DCAF8: variants seen among roughly 807,000 people sequenced by gnomAD.
The protein encoded by DCAF8 is DDB1- and CUL4-associated factor 8.
Under a neutral mutation model 68.0 loss-of-function variants are expected in DCAF8, and 20 were observed. The ratio of observed to expected loss-of-function variants is 0.29; its 90% CI spans 0.21 to 0.43. The LOEUF (loss-of-function observed/expected upper bound fraction) is 0.43. Among genes scored for constraint, DCAF8 ranks in the 20% least tolerant of loss-of-function variants. The pLI is 1.00. For synonymous variants in DCAF8, 230 were observed against 276.9 expected (o/e 0.83, Z 1.68); for missense variants, 460 against 771.0 (o/e 0.60, Z 4.78).
intron 3 of DCAF8, among the ~76,000 whole-genome samples, chr1:160,241,622 A>G (rs1656120047): frequency 6.6e-6 from 1 of 152,192 alleles, no homozygotes; most frequent in Non-Finnish European, 1.5e-5. Flanking sequence ...TTCCAACCTA[A>G]GTCAAGGTGT....
At chr1:160,229,825 T>C (rs984067048) in intron 7 of DCAF8, among the ~76,000 whole-genome samples, 1 of 152,164 alleles carries the variant, frequency 6.6e-6, no homozygotes, top group African/African-American at 2.4e-5. Flanking sequence ...AGTTCGAGAC[T>C]AGCCTGGCTA....
At chr1:160,218,165 T>C in intron 13 of DCAF8, 159 bp downstream of exon 13, 1 of 680,114 alleles carries the variant, frequency 1.5e-6, no homozygotes, top group South Asian at 1.8e-5. Flanking sequence ...TGCTGATGTC[T>C]CTTCCAAGGC....
intron 3 of DCAF8, among the ~76,000 whole-genome samples, chr1:160,243,331 G>A (rs1439093213): frequency 6.6e-6 from 1 of 151,664 alleles, no homozygotes. Context: ...GGGAGGGGAA[G>A]TAAGGAAAGG....
intron 10 of DCAF8, among the ~76,000 whole-genome samples, chr1:160,223,356 T>C (rs1655360436): frequency 1.3e-5 from 2 of 152,180 alleles, no homozygotes; most frequent in Admixed American, 1.3e-4. Flanking sequence ...TCTGCCTGTG[T>C]ACTGAGATCC....
intron 2 of DCAF8, among the ~76,000 whole-genome samples, chr1:160,258,096 C>T (rs1311995844): frequency 6.6e-6 from 1 of 152,188 alleles, no homozygotes; most frequent in Non-Finnish European, 1.5e-5. Context: ...CCTGTAATCC[C>T]AGCACTCTGG....
At chr1:160,256,335 A>G (rs1656835508) in intron 2 of DCAF8, among the ~76,000 whole-genome samples, 2 of 152,154 alleles carry the variant, frequency 1.3e-5, no homozygotes, top group Non-Finnish European at 2.9e-5. Flanking sequence ...TAAGATGAAA[A>G]AATGATGCTC....
chr1:160,218,637 C>A (rs528868886), intron 12 of DCAF8, among the ~76,000 whole-genome samples, 197 bp from the exon 13 acceptor site: 1 of 152,188 alleles, frequency 6.6e-6, no homozygotes, highest in African/African-American at 2.4e-5. Flanking sequence ...TAAAGATGCT[C>A]CTTATCCCCA....
At chr1:160,258,694 T>C (rs760074779) in intron 2 of DCAF8, among the ~76,000 whole-genome samples, 1 of 151,580 alleles carries the variant, frequency 6.6e-6, no homozygotes, top group Non-Finnish European at 1.5e-5. Flanking sequence ...GGTGGGAAGA[T>C]CACTTGAGCC....
Position 160,222,675 on chromosome 1 carries a change from G to C in DCAF8, c.1416C>G (p.Phe472Leu). 1 of 1,614,108 alleles carries C rather than the reference G, an allele frequency of 6.2e-7. No individual in the cohort carries two copies. Among genetic ancestry groups the C allele is most frequent in the Non-Finnish European group, 8.5e-7 (1 of 1,180,016 alleles). ...CCACGCCTCCCTTGTCCCCCTCCAT[G>C]AACTGAATAATCTGGCAGGATGATT... The part of the protein sequence containing the change: ...WEKSSCQIIQ[F>L]MEGDKGGVVN... Residue 472 changes from phenylalanine to leucine, a missense_variant, in exon 11 of 14, where the codon TTC becomes TTG. Transcript: ENST00000368074.
intron 2 of DCAF8, among the ~76,000 whole-genome samples, chr1:160,250,771 T>G (rs982431829): frequency 6.6e-6 from 1 of 152,206 alleles, no homozygotes; most frequent in Non-Finnish European, 1.5e-5. Context: ...GTCTTGGTGA[T>G]AACTAAGAAT....
At chr1:160,244,679 G>A (rs909820119) in intron 2 of DCAF8, among the ~76,000 whole-genome samples, 1 of 151,148 alleles carries the variant, frequency 6.6e-6, no homozygotes, top group Non-Finnish European at 1.5e-5. Flanking sequence ...ATGCAGTGGC[G>A]CTATCTAGGC....
intron 3 of DCAF8, among the ~76,000 whole-genome samples, chr1:160,242,342 G>A (rs1216084978): frequency 2.0e-5 from 3 of 151,896 alleles, no homozygotes; most frequent in Non-Finnish European, 4.4e-5. Context: ...TTGAACCCAA[G>A]GACCACATTT....
At chr1:160,229,105 T>C (rs918466311) in intron 7 of DCAF8, among the ~76,000 whole-genome samples, 4 of 152,120 alleles carry the variant, frequency 2.6e-5, no homozygotes, top group African/African-American at 9.7e-5. Flanking sequence ...GAGACCAGCC[T>C]GGCCAACATG....
chr1:160,251,399 T>C (rs1656588513), intron 2 of DCAF8, among the ~76,000 whole-genome samples: 1 of 152,226 alleles, frequency 6.6e-6, no homozygotes, highest in Non-Finnish European at 1.5e-5. Context: ...CTTTTCTTAA[T>C]ATTTCTCCTT....
chr1:160,254,310 A>G (rs1044345414), intron 2 of DCAF8, among the ~76,000 whole-genome samples: 4 of 152,074 alleles, frequency 2.6e-5, no homozygotes, highest in African/African-American at 9.7e-5. Context: ...CCAAAGAACG[A>G]AACTCTGTCT....
intron 2 of DCAF8, among the ~76,000 whole-genome samples, chr1:160,251,449 A>G (rs923872107): frequency 1.3e-5 from 2 of 151,952 alleles, no homozygotes; most frequent in African/African-American, 4.8e-5. Context: ...CTTGCCTTCC[A>G]CACTCTAATA....
At chr1:160,247,186 G>A (rs1656373716) in intron 2 of DCAF8, among the ~76,000 whole-genome samples, 1 of 152,148 alleles carries the variant, frequency 6.6e-6, no homozygotes. Context: ...CACTGTCCCA[G>A]GTAGTTGGAG....
At position 160,222,568 on chromosome 1, in the gene DCAF8, G is replaced by A. The variant is rs77073091; in HGVS notation, c.1440+83C>T. The A allele has an allele frequency of 3.2e-6, 5 of 1,549,788 alleles. No homozygotes were observed. In the African/African-American group the frequency reaches 6.8e-5, roughly 21 times the overall value. ...TAAAACATGGTATCATGTAGTCACA[G>A]TGAGAATTCAGTGTCCCTGCTAAAA... On this transcript the variant is annotated intron_variant, in intron 11 of 13. Coordinates refer to ENST00000368074, the MANE Select transcript of DCAF8 (RefSeq NM_015726.4).
chr1:160,227,083 C>T (rs957239762), intron 7 of DCAF8, among the ~76,000 whole-genome samples: 2 of 152,190 alleles, frequency 1.3e-5, no homozygotes, highest in Non-Finnish European at 2.9e-5. Flanking sequence ...CATAAGCATA[C>T]TTTCTGGAGG....
Sources: gnomAD v4.1 joint callset for allele counts (sites outside exome capture counted in the v4.1 genomes callset) on GRCh38, gnomAD v4.1.1 for gene constraint, MANE v1.5 for transcripts, NCBI Gene and HGNC (gene_info 2026-07-23, HGNC 2026-07-21) for gene names.